The following ULK1 variants were observed in gnomAD, a reference collection of about 807,000 sequenced individuals.
The protein encoded by ULK1 is unc-51 like autophagy activating kinase 1, also known as serine/threonine-protein kinase ULK1.
Under a neutral mutation model 117.5 loss-of-function variants are expected in ULK1, and 48 were observed. The ratio of observed to expected loss-of-function variants is 0.41; its 90% CI spans 0.32 to 0.52. The LOEUF is 0.52. Ranked by LOEUF, ULK1 falls within the 20% of genes least tolerant of loss-of-function variation. ULK1 has a pLI of 0.29. For synonymous variants in ULK1, 790 were observed against 637.8 expected (o/e 1.24, Z -3.60); for missense variants, 1,387 against 1,473.4 (o/e 0.94, Z 0.96).
chr12:131,907,897 CG>C (rs1376154422), intron 5 of ULK1, among the ~76,000 whole-genome samples: 1 of 115,840 alleles, frequency 8.6e-6, no homozygotes, highest in Admixed American at 1.0e-4. Context: ...ATGTGCTGCA[CG>C]GGGCGGGGCG....
chr12:131,919,623 G>T, intron 25 of ULK1, 33 bp downstream of exon 25: 1 of 1,600,414 alleles, frequency 6.2e-7, no homozygotes. Context: ...CCACATGCCG[G>T]GTTGGGGAGG....
At chr12:131,904,782 T>C (rs1889207260) in intron 3 of ULK1, among the ~76,000 whole-genome samples, 1 of 152,096 alleles carries the variant, frequency 6.6e-6, no homozygotes, top group East Asian at 1.9e-4. Context: ...TGGGCACCTA[T>C]GGGCACTCAC....
chr12:131,918,760 A>ATAGGGTGTGTGGAGTG lies in ULK1; in HGVS notation c.2511+91_2511+92insAGTGTAGGGTGTGTGG. 5 of 535,730 alleles carry ATAGGGTGTGTGGAGTG rather than the reference A, an allele frequency of 9.3e-6. No homozygotes were observed. In the South Asian group the frequency reaches 1.6e-4, roughly 18 times the overall value. 33.2% of individuals were successfully genotyped at this position (535,730 alleles called of 1,614,324 possible). ...GTGTGGGGTGTCGGGTGTGTGGGGT[A>ATAGGGTGTGTGGAGTG]TAGGGTGTGTGGGGTGTCGGGTGTG... is the stretch of plus-strand genomic sequence containing the variant. On this transcript the variant is annotated intron_variant, in intron 23 of 27. Coordinates refer to ENST00000321867, the MANE Select transcript of ULK1 (RefSeq NM_003565.4).
At chr12:131,910,078 G>T in intron 10 of ULK1, 77 bp downstream of exon 10, 2 of 1,578,542 alleles carry the variant, frequency 1.3e-6, no homozygotes, top group Non-Finnish European at 1.7e-6. Flanking sequence ...AGGGCCCACC[G>T]GCTTCACACC....
chr12:131,906,032 G>A (rs1411715827), intron 3 of ULK1, among the ~76,000 whole-genome samples: 2 of 152,220 alleles, frequency 1.3e-5, no homozygotes, highest in East Asian at 3.9e-4. Context: ...GCCAGGTTGG[G>A]TAGGGCAGCT....
chr12:131,906,958 C>G, intron 4 of ULK1, 34 bp downstream of exon 4: 1 of 1,613,914 alleles, frequency 6.2e-7, no homozygotes, highest in Non-Finnish European at 8.5e-7. Flanking sequence ...CAAGTGCAGG[C>G]TGATGGCCAT....
At chr12:131,901,355 CAA>C (rs199720837) in intron 3 of ULK1, among the ~76,000 whole-genome samples, 7 of 100,820 alleles carry the variant, frequency 6.9e-5, no homozygotes, top group Admixed American at 1.1e-4. Flanking sequence ...AGACTCGTCT[CAA>C]AAAAAAAAAA....
intron 5 of ULK1, 150 bp from the exon 6 acceptor site, chr12:131,908,492 TGG>T: frequency 1.1e-6 from 1 of 912,296 alleles, no homozygotes; most frequent in South Asian, 2.2e-5. Context: ...CGGCCCGTGG[TGG>T]CTTGTGCCCC....
intron 23 of ULK1, among the ~76,000 whole-genome samples, 162 bp from the exon 24 acceptor site, chr12:131,919,034 CGGTGTGTGGGGTGCAG>C (rs1040530050): frequency 4.9e-5 from 3 of 60,808 alleles, no homozygotes; most frequent in East Asian, 5.3e-4. Context: ...GTGGGGTGTA[CGGTGTGTGGGGTGCAG>C]GGTGTGTGGG....
rs762361639 is a variant in ULK1, at chr12:131,916,630, G to T, written c.2072+39G>T. On this transcript the variant is annotated intron_variant, in intron 20 of 27. Transcript: ENST00000321867. ...ACAGGCCTTGGACGGGCTTCTGAGG[G>T]GCAGCCTCTTTCCCCTGCATTGTTC... The T allele has an allele frequency of 8.6e-6, 13 of 1,503,418 alleles. No homozygotes were observed. The South Asian group carries it at 1.6e-4, about 19-fold the overall frequency. 93.1% of individuals were successfully genotyped at this position (1,503,418 alleles called of 1,614,324 possible).
At position 131,921,435 on chromosome 12, in the gene ULK1, C is replaced by G. The variant is rs1016286463; in HGVS notation, c.*74C>G. 6.3e-7 allele frequency: 1 copy of G among 1,587,028 alleles called. No homozygotes were observed. ...GGCTCTGTGTGCTGGCTGGACTCCT[C>G]GGGACAAGCCCATGGCGCTGATCGC... On this transcript the variant is annotated 3_prime_UTR_variant, in exon 28 of 28. Transcript: ENST00000321867.
intron 11 of ULK1, 107 bp downstream of exon 11, chr12:131,910,411 C>A: frequency 6.6e-7 from 1 of 1,512,224 alleles, no homozygotes; most frequent in East Asian, 2.3e-5. Flanking sequence ...AGGTCTTGAG[C>A]TGCGGCCAGC....
rs1176901245 is a variant in ULK1 at position 131,903,904 on chromosome 12, G to T, written c.247-2988G>T. Among the ~76,000 whole-genome samples, 1 of 152,110 alleles carries T rather than the reference G, an allele frequency of 6.6e-6. No individual in the cohort carries two copies. The highest frequency in any genetic ancestry group is 1.5e-5 in the Non-Finnish European group (1 of 67,972). The stretch of plus-strand genomic sequence containing the variant: ...GGAGGGCAGAGGGGTCTCTAGGAAG[G>T]TGACCTAGGGGGTGACATCTGTGAC... On this transcript the variant is annotated intron_variant, in intron 3 of 27. Coordinates refer to ENST00000321867, the MANE Select transcript of ULK1 (RefSeq NM_003565.4). This position sits in a 1 kb window ranked among gnomAD's most constrained non-coding sequence, Gnocchi z 6.0.
chr12:131,895,137 T>C (rs892637997), intron 1 of ULK1, 25 bp downstream of exon 1: 3 of 1,467,976 alleles, frequency 2.0e-6, no homozygotes, highest in African/African-American at 1.5e-5. Flanking sequence ...CGGCCCGGGA[T>C]CCCCCGCCCA....
At chr12:131,918,230 G>T in intron 22 of ULK1, 1 of 541,302 alleles carries the variant, frequency 1.8e-6, no homozygotes, top group Non-Finnish European at 3.3e-6. Flanking sequence ...GCTGGGGGTC[G>T]GGATACCCAG....
intron 23 of ULK1, 45 bp downstream of exon 23, chr12:131,918,726 G>A (rs1009463471): frequency 1.6e-6 from 2 of 1,270,366 alleles, no homozygotes; most frequent in Admixed American, 2.8e-5. Context: ...GCTGGAGGGT[G>A]TGTGGGGTGT....
At chr12:131,907,351 C>T in intron 4 of ULK1, 144 bp from the exon 5 acceptor site, 1 of 984,764 alleles carries the variant, frequency 1.0e-6, no homozygotes, top group Non-Finnish European at 1.5e-6. Context: ...CCAGCAGGGA[C>T]TGTGGGGACA....
chr12:131,907,636 T>G, intron 5 of ULK1, 105 bp downstream of exon 5: 1 of 1,380,312 alleles, frequency 7.2e-7, no homozygotes, highest in South Asian at 1.3e-5. Flanking sequence ...GAGTGGGTCC[T>G]TGGCTCATTG....
chr12:131,899,023 C>T (rs1248085368), intron 3 of ULK1, among the ~76,000 whole-genome samples: 1 of 150,606 alleles, frequency 6.6e-6, no homozygotes, highest in Non-Finnish European at 1.5e-5. Context: ...GGATTACAGG[C>T]ACCTGCCACC....
Sources: allele counts gnomAD v4.1 joint callset (sites outside exome capture counted in the v4.1 genomes callset), GRCh38; gene constraint gnomAD v4.1.1; non-coding constraint Gnocchi (gnomAD v3.1); transcripts MANE v1.5; gene names NCBI Gene and HGNC (gene_info 2026-07-23, HGNC 2026-07-21).